Variants in COG1 observed in about 807,000 individuals in gnomAD.
COG1 encodes component of oligomeric golgi complex 1.
In COG1, 61 loss-of-function variants were observed where a neutral mutation model predicts 102.2. The observed-to-expected ratio is 0.60, with a 90% CI of 0.49 to 0.74. The LOEUF (loss-of-function observed/expected upper bound fraction) is 0.74, where lower values mean the gene tolerates loss of function less well. Among genes scored for constraint, COG1 ranks in the 30% least tolerant of loss-of-function variants. The pLI is 0.00. For missense variants in COG1, 1,164 were observed against 1,232.1 expected (o/e 0.94, Z 0.83); for synonymous variants, 454 against 493.6 (o/e 0.92, Z 1.06).
rs748475815 is a variant in COG1 at position 73,208,374 on chromosome 17, C to T, written c.2866C>T (p.Gln956Ter). The change falls in exon 14 of 14, where the codon CAG (glutamine) becomes TAG (stop). Residue 956 changes from glutamine to a stop codon, truncating the protein, a stop_gained. Coordinates refer to ENST00000299886, the MANE Select transcript of COG1 (RefSeq NM_018714.3). LOFTEE classifies it high-confidence loss of function. ...GACAGTTCCTGGCTCCTTGTTCAGA[C>T]AGCTTGTCAGTGAAGAAGACAACAC... ...DPTVPGSLFRQLVSEEDNTSA... is the reference protein window; with the variant it reads ...DPTVPGSLFR 1.2e-6 allele frequency: 2 copies of T among 1,614,164 alleles called. No homozygotes were observed. The highest frequency in any genetic ancestry group is 1.7e-6 in the Non-Finnish European group (2 of 1,179,990).
At chr17:73,203,310 G>A (rs753614474) in intron 8 of COG1, 164 bp downstream of exon 8, 25 of 894,216 alleles carry the variant, frequency 2.8e-5, no homozygotes, top group Non-Finnish European at 4.4e-5. Flanking sequence ...GTAAATGGCA[G>A]ACTGTTCAAG....
chr17:73,198,320 T>C (rs1427442390), intron 4 of COG1, among the ~76,000 whole-genome samples: 1 of 152,210 alleles, frequency 6.6e-6, no homozygotes, highest in African/African-American at 2.4e-5. Flanking sequence ...CACTTTGAAA[T>C]GGCCCAGTGC....
rs1418615463 is a variant in COG1 at position 73,197,244 on chromosome 17, A to G, written c.761A>G (p.Gln254Arg). ...QPHHGAGIKA[Q>R]ICSLVELLAT... ...CTTTTAGGTGCTGGTATCAAGGCTCAGATTTGCTCATTAGTGGAGTTGCTG... is the reference window on the plus strand; with the variant it reads ...CTTTTAGGTGCTGGTATCAAGGCTCGGATTTGCTCATTAGTGGAGTTGCTG... The change falls in exon 4 of 14, where the codon CAG (glutamine) becomes CGG (arginine). Residue 254 changes from glutamine to arginine, a missense_variant. Coordinates refer to ENST00000299886, the MANE Select transcript of COG1 (RefSeq NM_018714.3). 3 of 1,614,106 alleles carry G rather than the reference A, an allele frequency of 1.9e-6. No individual in the cohort carries two copies. The highest frequency in any genetic ancestry group is 2.5e-6 in the Non-Finnish European group (3 of 1,180,046).
At chr17:73,200,885 G>C in intron 6 of COG1, 109 bp downstream of exon 6, 1 of 1,100,760 alleles carries the variant, frequency 9.1e-7, no homozygotes, top group South Asian at 1.3e-5. Context: ...TTCCTGCTTA[G>C]TAACAGATCC....
In COG1 at chr17:73,206,236, C is replaced by T; in HGVS notation, c.2593C>T (p.Leu865Phe). 1 of 1,614,108 alleles carries T rather than the reference C, an allele frequency of 6.2e-7. No homozygotes were observed. Among genetic ancestry groups the T allele is most frequent in the South Asian group, 1.1e-5 (1 of 91,084 alleles). The change falls in exon 11 of 14, where the codon CTT becomes TTT. Residue 865 changes from leucine (L) to phenylalanine (F), a missense_variant. Coordinates refer to ENST00000299886, the MANE Select transcript of COG1 (RefSeq NM_018714.3). ...TTTCACGCCACACCTCAACAGCAAC[C>T]TTCATCGCCTGGTGCAGCGAACTTC... ...DVFTPHLNSN[L>F]HRLVQRTSVL...
intron 13 of COG1, chr17:73,207,630 G>A: frequency 8.8e-7 from 1 of 1,135,296 alleles, no homozygotes; most frequent in Non-Finnish European, 1.2e-6. Context: ...CCTTTTAGTT[G>A]GGTGGGAAGT....
intron 7 of COG1, 101 bp downstream of exon 7, chr17:73,202,001 C>A: frequency 8.5e-7 from 1 of 1,182,574 alleles, no homozygotes. Context: ...CAAAACAATT[C>A]TGATTTCATA....
chr17:73,201,313 G>A lies in COG1; in HGVS notation c.1486G>A (p.Gly496Ser), dbSNP rs1202898222. 1 of 1,614,064 alleles carries A rather than the reference G, an allele frequency of 6.2e-7. No homozygotes were observed. Among genetic ancestry groups the A allele is most frequent in the Non-Finnish European group, 8.5e-7 (1 of 1,180,034 alleles). Residue 496 changes from glycine to serine, a missense_variant, in exon 7 of 14, where the codon GGT becomes AGT. Gly to Ser is a moderately conservative substitution (Grantham distance 56). Transcript: ENST00000299886. ...GGCCTGGGTCAGCGTGGCAAACCGG[G>A]GTCAGTTTGCCAGTAGCGGCCTCTC... The part of the protein sequence containing the change: ...DAAWVSVANR[G>S]QFASSGLSMK...
chr17:73,196,774 G>T (rs2061326999), intron 2 of COG1, 23 bp downstream of exon 2: 1 of 1,613,982 alleles, frequency 6.2e-7, no homozygotes, highest in African/African-American at 1.3e-5. Context: ...AGCGCAAAGA[G>T]CTGCTCTGGT....
chr17:73,207,092 C>CAAAAAAAAAAAAAAAAAAAAAAACAAAA (rs57965299), intron 12 of COG1, 89 bp from the exon 13 acceptor site: 1 of 684,708 alleles, frequency 1.5e-6, no homozygotes, highest in African/African-American at 2.7e-5. Flanking sequence ...GACTCTGTCT[C>CAAAAAAAAAAAAAAAAAAAAAAACAAAA]AAAAAAAAAA....
rs748732950 is a variant in COG1, at chr17:73,193,392, C to T, written c.315+8C>T. The stretch of plus-strand genomic sequence containing the variant: ...CCACCGCGGGCCCAGCAGGTCAGTC[C>T]CCGTGCCCCCACCCTGCGACCCGCA... On this transcript the variant is annotated splice_region_variant and intron_variant, in intron 1 of 13. Coordinates refer to ENST00000299886, the MANE Select transcript of COG1 (RefSeq NM_018714.3). The T allele has an allele frequency of 3.8e-4, 537 of 1,427,336 alleles. No individual in the cohort carries two copies. The highest frequency in any genetic ancestry group is 4.7e-4 in the Non-Finnish European group (518 of 1,099,244). The allele number at this position is 1,427,336 out of a possible 1,614,324, so 88.4% of individuals were successfully genotyped here.
chr17:73,196,892 T>C lies in COG1; in HGVS notation c.561-8T>C. The C allele has an allele frequency of 6.2e-7, 1 of 1,614,192 alleles. No individual in the cohort carries two copies. Among genetic ancestry groups the C allele is most frequent in the Non-Finnish European group, 8.5e-7 (1 of 1,180,042 alleles). On this transcript the variant is annotated splice_polypyrimidine_tract_variant and splice_region_variant and intron_variant, in intron 2 of 13. Transcript: ENST00000299886. The stretch of plus-strand genomic sequence containing the variant: ...ACACCCTGGCGACTTCTGTCATCAT[T>C]TTTCTAGGTCAACTATTCTGCATGA...
At chr17:73,205,213 G>C (rs1219601738) in intron 9 of COG1, 12 of 315,732 alleles carry the variant, frequency 3.8e-5, no homozygotes, top group Non-Finnish European at 7.3e-5. Flanking sequence ...AACAAATCCT[G>C]ATTTTGGAAA....
chr17:73,195,880 G>A (rs2061323412), intron 1 of COG1, among the ~76,000 whole-genome samples: 1 of 152,220 alleles, frequency 6.6e-6, no homozygotes, highest in African/African-American at 2.4e-5. Flanking sequence ...TTTACCCTAG[G>A]AGTTCTGAAG....
At position 73,197,855 on chromosome 17, in the gene COG1, CAG is replaced by C. The variant is rs2061331708; in HGVS notation, c.913+463_913+464del. 2.6e-5 allele frequency among the ~76,000 whole-genome samples: 4 copies of C among 152,174 alleles called. No individual in the cohort carries two copies. The South Asian group carries it at 8.3e-4, about 32-fold the overall frequency. On this transcript the variant is annotated intron_variant, in intron 4 of 13. Coordinates refer to ENST00000299886, the MANE Select transcript of COG1 (RefSeq NM_018714.3). Reference sequence around the variant, plus strand: ...TGGGTGAGGGGGAGAGCTGCTTGAGCAGAGACTGGAGGTGGGGCCAGGGGCCA... The same window carrying C: ...TGGGTGAGGGGGAGAGCTGCTTGAGCAGACTGGAGGTGGGGCCAGGGGCCA...
At chr17:73,206,024 G>A in intron 10 of COG1, 130 bp from the exon 11 acceptor site, 3 of 796,730 alleles carry the variant, frequency 3.8e-6, no homozygotes, top group Non-Finnish European at 6.4e-6. Flanking sequence ...TATCATCAGT[G>A]ACAAACGTAC....
rs1042272764 is a variant in COG1, at chr17:73,193,321, C to T, written c.252C>T (p.Asp84=). ...VGLVDAVKAT[D]QYCARLRQAG... ...TAGTGGACGCCGTGAAGGCCACCGA[C>T]CAGTACTGCGCCCGCCTCCGCCAGG... The change falls in exon 1 of 14, where the codon GAC becomes GAT. Residue 84 remains aspartate, a synonymous_variant. Transcript: ENST00000299886. 6.4e-7 allele frequency: 1 copy of T among 1,563,926 alleles called. No individual in the cohort carries two copies. Among genetic ancestry groups the T allele is most frequent in the Non-Finnish European group, 8.6e-7 (1 of 1,158,384 alleles).
Position 73,197,091 on chromosome 17 carries a change from G to A in COG1, c.742+10G>A, listed in dbSNP as rs1392685504. 3.1e-6 allele frequency: 5 copies of A among 1,614,040 alleles called. No homozygotes were observed. Among genetic ancestry groups the A allele is most frequent in the African/African-American group, 2.7e-5 (2 of 74,938 alleles). Reference sequence around the variant, plus strand: ...AACCAGCCACACCATGGTGGGTGTGGCTTCTGGCCAACATTTGGTCCTTAA... The same window carrying A: ...AACCAGCCACACCATGGTGGGTGTGACTTCTGGCCAACATTTGGTCCTTAA... On this transcript the variant is annotated intron_variant, in intron 3 of 13. Transcript: ENST00000299886.
intron 1 of COG1, among the ~76,000 whole-genome samples, chr17:73,195,310 G>A (rs1359907985): frequency 2.6e-5 from 4 of 152,086 alleles, no homozygotes; most frequent in Non-Finnish European, 5.9e-5. Context: ...AACTTGACGA[G>A]AAAAAAATGT....
Sources: allele counts gnomAD v4.1 joint callset (sites outside exome capture counted in the v4.1 genomes callset), GRCh38; gene constraint gnomAD v4.1.1; transcripts MANE v1.5; gene names NCBI Gene and HGNC (gene_info 2026-07-23, HGNC 2026-07-21).